The following SUCLG2 variants were observed in gnomAD, a reference collection of about 807,000 sequenced individuals.
SUCLG2 encodes the protein succinate-CoA ligase GDP-forming subunit beta, also known as succinate--CoA ligase [GDP-forming] subunit beta, mitochondrial.
In SUCLG2, 42 loss-of-function variants were observed where a neutral mutation model predicts 47.9. That is an observed-to-expected ratio of 0.88 (90% CI 0.69 to 1.14). The LOEUF (loss-of-function observed/expected upper bound fraction) is 1.14. SUCLG2 is among the 50% of genes most tolerant of loss of function. SUCLG2 has a pLI of 0.00. For synonymous variants in SUCLG2, 195 were observed against 197.3 expected (o/e 0.99, Z 0.10); for missense variants, 571 against 525.9 (o/e 1.09, Z -0.84).
intron 1 of SUCLG2, among the ~76,000 whole-genome samples, chr3:67,628,897 C>T (rs142120280): frequency 4.7e-4 from 71 of 152,264 alleles, no homozygotes; most frequent in Non-Finnish European, 7.9e-4. Flanking sequence ...GCAAGAACTG[C>T]TCCATGTTAA....
intron 9 of SUCLG2, among the ~76,000 whole-genome samples, chr3:67,417,999 A>G (rs1275000117): frequency 6.6e-6 from 1 of 152,222 alleles, no homozygotes; most frequent in African/African-American, 2.4e-5. Context: ...GACATAAGAT[A>G]CAAAGATAAA....
At chr3:67,649,597 CT>C (rs201075856) in intron 1 of SUCLG2, among the ~76,000 whole-genome samples, 1,604 of 152,232 alleles carry the variant, frequency 0.011, 31 homozygotes, top group African/African-American at 0.037. Flanking sequence ...TACTCTCCCC[CT>C]GTTCTCTCAC....
At chr3:67,516,868 G>A (rs190867962) in intron 6 of SUCLG2, among the ~76,000 whole-genome samples, 9 of 152,290 alleles carry the variant, frequency 5.9e-5, no homozygotes, top group Admixed American at 2.0e-4. Flanking sequence ...TATGGAAAAC[G>A]GGCTCTTGGT....
intron 10 of SUCLG2, among the ~76,000 whole-genome samples, chr3:67,382,956 A>G (rs1702189682): frequency 6.6e-6 from 1 of 152,202 alleles, no homozygotes; most frequent in African/African-American, 2.4e-5. Flanking sequence ...GCAATTAGAT[A>G]GAGGAGGTCC....
At chr3:67,478,843 T>C (rs892463856) in intron 9 of SUCLG2, among the ~76,000 whole-genome samples, 1 of 152,234 alleles carries the variant, frequency 6.6e-6, no homozygotes, top group Non-Finnish European at 1.5e-5. Flanking sequence ...CTGGGACTCT[T>C]GTGCTTAAAG....
intron 1 of SUCLG2, among the ~76,000 whole-genome samples, chr3:67,614,614 A>T (rs1700591301): frequency 6.6e-6 from 1 of 151,962 alleles, no homozygotes; most frequent in South Asian, 2.1e-4. Flanking sequence ...GCCCTTACTG[A>T]CACAGTGCTT....
At chr3:67,576,796 A>G (rs1188823695) in intron 2 of SUCLG2, among the ~76,000 whole-genome samples, 1 of 152,252 alleles carries the variant, frequency 6.6e-6, no homozygotes, top group Non-Finnish European at 1.5e-5. Context: ...ATGTAAGTTG[A>G]GAAGACAGAA....
intron 2 of SUCLG2, among the ~76,000 whole-genome samples, chr3:67,596,799 T>C (rs1708304386): frequency 6.6e-6 from 1 of 152,224 alleles, no homozygotes; most frequent in African/African-American, 2.4e-5. Context: ...CCCTCACTTA[T>C]AACACACACA....
intron 9 of SUCLG2, among the ~76,000 whole-genome samples, chr3:67,467,561 A>G (rs1704504441): frequency 6.6e-6 from 1 of 152,240 alleles, no homozygotes; most frequent in South Asian, 2.1e-4. Context: ...ACCTTGAACA[A>G]GTATAGGATA....
chr3:67,392,514 C>G (rs894041718), intron 10 of SUCLG2, among the ~76,000 whole-genome samples: 1 of 152,182 alleles, frequency 6.6e-6, no homozygotes, highest in Non-Finnish European at 1.5e-5. Flanking sequence ...GGTAAATAAT[C>G]TACTATATTT....
At chr3:67,509,932 C>G (rs1180392372) in intron 6 of SUCLG2, among the ~76,000 whole-genome samples, 1 of 152,136 alleles carries the variant, frequency 6.6e-6, no homozygotes, top group Non-Finnish European at 1.5e-5. Flanking sequence ...CAGCTGGGGT[C>G]AGCCAATGGC....
In SUCLG2 at chr3:67,469,298, A is replaced by T. The variant is rs142574484; in HGVS notation, c.1062+26500T>A. ...TTGTGGCCACTGTGACTGTCATGAGAGATTCAGGAGAAATCAGTGGGGAAC... is the reference window on the plus strand; with the variant it reads ...TTGTGGCCACTGTGACTGTCATGAGTGATTCAGGAGAAATCAGTGGGGAAC... On this transcript the variant is annotated intron_variant, in intron 9 of 10. Coordinates refer to ENST00000307227, the MANE Select transcript of SUCLG2 (RefSeq NM_003848.4). Among the ~76,000 whole-genome samples the T allele has an allele frequency of 1.9e-3, 283 of 152,332 alleles. 1 individual carries two copies. Among genetic ancestry groups the T allele is most frequent in the African/African-American group, 6.6e-3 (274 of 41,578 alleles).
chr3:67,539,608 T>C (rs902285513), intron 2 of SUCLG2, among the ~76,000 whole-genome samples: 1 of 152,206 alleles, frequency 6.6e-6, no homozygotes, highest in Non-Finnish European at 1.5e-5. Context: ...CCTTTTCTAT[T>C]GTTTGGAATA....
chr3:67,369,923 G>T (rs994537441), downstream of SUCLG2, among the ~76,000 whole-genome samples: 3 of 152,176 alleles, frequency 2.0e-5, no homozygotes, highest in Non-Finnish European at 2.9e-5. Context: ...ACGTTATACT[G>T]ATTACATAGT....
intron 10 of SUCLG2, 145 bp downstream of exon 10, chr3:67,400,586 G>A (rs1187278025): frequency 9.0e-7 from 1 of 1,109,580 alleles, no homozygotes; most frequent in Non-Finnish European, 1.3e-6. Context: ...GAGGCCCAGG[G>A]AAGTCCTGCC....
In SUCLG2 at chr3:67,382,634, G is replaced by T. The variant is rs185212761; in HGVS notation, c.1184-6775C>A. Among the ~76,000 whole-genome samples the T allele has an allele frequency of 2.6e-5, 4 of 152,278 alleles. No individual in the cohort carries two copies. The East Asian group carries it at 5.8e-4, about 22-fold the overall frequency. ...ATCACAGGAACATTTTATGATACAT[G>T]AAAGTTACATGAAATTCAAATTCCA... On this transcript the variant is annotated intron_variant, in intron 10 of 10. Transcript: ENST00000307227.
intron 9 of SUCLG2, 63 bp from the exon 10 acceptor site, chr3:67,400,914 TG>T (rs1575671752): frequency 1.2e-6 from 2 of 1,602,920 alleles, no homozygotes; most frequent in East Asian, 4.5e-5. Flanking sequence ...CAAAAATAAC[TG>T]GTTAAATAAT....
intron 2 of SUCLG2, among the ~76,000 whole-genome samples, chr3:67,555,365 T>C (rs1707130972): frequency 6.6e-6 from 1 of 152,206 alleles, no homozygotes. Flanking sequence ...TATTTGTGTG[T>C]ATACTTACAT....
At chr3:67,371,422 G>C (rs2363714), downstream of SUCLG2, among the ~76,000 whole-genome samples, 137,636 of 152,228 alleles carry the variant, frequency 0.9, 62,453 homozygotes, top group East Asian at 0.99. Context: ...TATGATAAAA[G>C]TGCCTCCAGC....
Sources: gnomAD v4.1 joint callset for allele counts (sites outside exome capture counted in the v4.1 genomes callset) on GRCh38, gnomAD v4.1.1 for gene constraint, MANE v1.5 for transcripts, NCBI Gene and HGNC (gene_info 2026-07-23, HGNC 2026-07-21) for gene names.